ECT2: variants seen among roughly 807,000 people sequenced by gnomAD.
ECT2 encodes the protein protein ECT2.
A neutral mutation model predicts 116.9 loss-of-function variants in ECT2; 61 were observed. The observed-to-expected ratio is 0.52, with a 90% CI of 0.42 to 0.65. ECT2 has a LOEUF of 0.65. ECT2 is among the 30% of genes least tolerant of loss of function. The pLI is 0.00. For synonymous variants in ECT2, 358 were observed against 346.4 expected (o/e 1.03, Z -0.37); for missense variants, 937 against 1,078.7 (o/e 0.87, Z 1.84).
chr3:172,762,265 G>T (rs939412700), intron 8 of ECT2, 151 bp from the exon 9 acceptor site: 1 of 787,314 alleles, frequency 1.3e-6, no homozygotes, highest in Non-Finnish European at 1.9e-6. Context: ...TTAAACTGAA[G>T]TTTTTGTGAG....
intron 11 of ECT2, 21 bp downstream of exon 11, chr3:172,762,993 T>G (rs1405592009): frequency 1.2e-6 from 2 of 1,610,752 alleles, no homozygotes; most frequent in Admixed American, 1.7e-5. Flanking sequence ...AACCCCTTAC[T>G]TATTTGTTCT....
intron 18 of ECT2, among the ~76,000 whole-genome samples, chr3:172,794,822 C>T (rs1479498809): frequency 6.6e-6 from 1 of 152,054 alleles, no homozygotes; most frequent in Non-Finnish European, 1.5e-5. Flanking sequence ...TCAAGTGATT[C>T]CCCAGCGTCA....
intron 23 of ECT2, among the ~76,000 whole-genome samples, chr3:172,816,176 G>A (rs937361586): frequency 1.3e-5 from 2 of 152,046 alleles, no homozygotes; most frequent in Non-Finnish European, 2.9e-5. Context: ...TTTTAAAGTA[G>A]CACTAGAATT....
chr3:172,751,971 A>G (rs1715948595), intron 1 of ECT2, among the ~76,000 whole-genome samples: 1 of 152,134 alleles, frequency 6.6e-6, no homozygotes, highest in African/African-American at 2.4e-5. Context: ...CAATAAATTG[A>G]TCATATACAG....
At chr3:172,766,685 T>C (rs1273936544) in intron 12 of ECT2, among the ~76,000 whole-genome samples, 1 of 152,132 alleles carries the variant, frequency 6.6e-6, no homozygotes, top group Non-Finnish European at 1.5e-5. Flanking sequence ...GATAGGAAAT[T>C]TATATTTTGG....
intron 18 of ECT2, among the ~76,000 whole-genome samples, chr3:172,798,127 A>G (rs1726064601): frequency 6.6e-6 from 1 of 152,170 alleles, no homozygotes; most frequent in African/African-American, 2.4e-5. Flanking sequence ...CTTATTTGAT[A>G]AGTTGTGTAA....
At chr3:172,799,547 C>A (rs975683353) in intron 18 of ECT2, among the ~76,000 whole-genome samples, 2 of 152,144 alleles carry the variant, frequency 1.3e-5, no homozygotes, top group Non-Finnish European at 2.9e-5. Context: ...CTAAGAAATC[C>A]TTTTATTCCA....
chr3:172,794,795 A>G (rs778315865), intron 18 of ECT2, among the ~76,000 whole-genome samples: 8 of 152,122 alleles, frequency 5.3e-5, no homozygotes, highest in Non-Finnish European at 8.8e-5. Context: ...GCTCACTGCA[A>G]TCTCCGCCTC....
intron 18 of ECT2, among the ~76,000 whole-genome samples, chr3:172,802,090 G>A (rs879264548): frequency 5.4e-5 from 8 of 147,940 alleles, no homozygotes; most frequent in African/African-American, 9.7e-5. Flanking sequence ...AGGAGTCTAT[G>A]GATGTTTTGT....
At chr3:172,816,983 T>G in intron 24 of ECT2, 146 bp downstream of exon 24, 1 of 588,470 alleles carries the variant, frequency 1.7e-6, no homozygotes, top group Non-Finnish European at 2.8e-6. Context: ...ATATTATCAT[T>G]TGAATGCGAA....
At chr3:172,800,108 G>A (rs1726447451) in intron 18 of ECT2, among the ~76,000 whole-genome samples, 1 of 152,182 alleles carries the variant, frequency 6.6e-6, no homozygotes, top group African/African-American at 2.4e-5. Flanking sequence ...TGCTGTCAGA[G>A]AAAGATCTTG....
At chr3:172,772,326 G>A (rs1010326485) in intron 13 of ECT2, among the ~76,000 whole-genome samples, 2 of 152,108 alleles carry the variant, frequency 1.3e-5, no homozygotes, top group African/African-American at 4.8e-5. Flanking sequence ...CCGAGTAGCT[G>A]GGACTACAGG....
At chr3:172,770,655 A>G (rs1374967203) in intron 13 of ECT2, among the ~76,000 whole-genome samples, 1 of 152,138 alleles carries the variant, frequency 6.6e-6, no homozygotes, top group Non-Finnish European at 1.5e-5. Flanking sequence ...TAATATTCTC[A>G]TTAAAGAGCT....
intron 8 of ECT2, 90 bp downstream of exon 8, chr3:172,761,773 G>C: frequency 2.3e-6 from 2 of 870,520 alleles, no homozygotes; most frequent in Admixed American, 4.8e-5. Context: ...TAATTTCATA[G>C]ATATAAAAAC....
intron 14 of ECT2, 63 bp from the exon 15 acceptor site, chr3:172,782,100 A>G (rs1722798184): frequency 1.7e-5 from 17 of 981,662 alleles, no homozygotes; most frequent in Non-Finnish European, 2.5e-5. Flanking sequence ...TCTCAGAAAT[A>G]ATAAAAGTTG....
intron 22 of ECT2, among the ~76,000 whole-genome samples, chr3:172,809,594 C>G (rs1054738484): frequency 3.7e-4 from 55 of 148,922 alleles, no homozygotes; most frequent in African/African-American, 1.3e-3. Flanking sequence ...CACACACACA[C>G]ACACGCACAC....
At chr3:172,777,959 A>G (rs1722033555) in intron 14 of ECT2, among the ~76,000 whole-genome samples, 1 of 152,124 alleles carries the variant, frequency 6.6e-6, no homozygotes, top group African/African-American at 2.4e-5. Context: ...TTTTCTTTTT[A>G]TATATATCTG....
At chr3:172,827,554 A>G in the ECT2 span, among the ~76,000 whole-genome samples, 2 of 152,226 alleles carry the variant, frequency 1.3e-5, no homozygotes, top group Non-Finnish European at 2.9e-5. Context: ...GTTCTCACTC[A>G]TATGTGGGAG....
intron 13 of ECT2, 31 bp downstream of exon 13, chr3:172,769,174 C>T (rs35443668): frequency 3.8e-6 from 6 of 1,575,344 alleles, no homozygotes; most frequent in Non-Finnish European, 5.2e-6. Flanking sequence ...AAAATGATTT[C>T]TGTTCCAGTG....
Sources: allele counts gnomAD v4.1 joint callset (sites outside exome capture counted in the v4.1 genomes callset), GRCh38; gene constraint gnomAD v4.1.1; transcripts MANE v1.5; gene names NCBI Gene and HGNC (gene_info 2026-07-23, HGNC 2026-07-21).